MIPOL1: variants seen among roughly 807,000 people sequenced by gnomAD.
MIPOL1 encodes mirror-image polydactyly gene 1 protein.
In MIPOL1, 57 loss-of-function variants were observed where a neutral mutation model predicts 60.9. The ratio of observed to expected loss-of-function variants is 0.94; its 90% CI spans 0.76 to 1.17. MIPOL1 has a LOEUF of 1.17. Among genes scored for constraint, MIPOL1 ranks in the 50% most tolerant of loss-of-function variants. MIPOL1 has a pLI of 0.00. For synonymous variants in MIPOL1, 179 were observed against 168.8 expected (o/e 1.06, Z -0.47); for missense variants, 551 against 511.6 (o/e 1.08, Z -0.74).
At chr14:37,333,558 T>C (rs2089896143) in intron 9 of MIPOL1, among the ~76,000 whole-genome samples, 1 of 93,612 alleles carries the variant, frequency 1.1e-5, no homozygotes, top group African/African-American at 3.1e-5. Context: ...CGTGGAAATA[T>C]ATAATATGTG....
chr14:37,246,240 T>C (rs1973180562), intron 1 of MIPOL1, among the ~76,000 whole-genome samples: 3 of 152,130 alleles, frequency 2.0e-5, no homozygotes, highest in Admixed American at 1.3e-4. Context: ...GGCAGTCTCG[T>C]TGGGTACTAG....
intron 11 of MIPOL1, among the ~76,000 whole-genome samples, chr14:37,460,130 AG>A (rs2094523678): frequency 6.6e-6 from 1 of 150,798 alleles, no homozygotes; most frequent in Non-Finnish European, 1.5e-5. Flanking sequence ...ATTCTAGCAA[AG>A]CAAATCCAAT....
At position 37,496,696 on chromosome 14, in the gene MIPOL1, T is replaced by G. The variant is rs371447644; in HGVS notation, c.1032-3212T>G. On this transcript the variant is annotated intron_variant, in intron 11 of 12. Transcript: ENST00000684589. ...AACATTCCATGCTCATGGGTAGGAA[T>G]AATCAATATCGTGAAAATGGCCATA... is the stretch of plus-strand genomic sequence containing the variant. Among the ~76,000 whole-genome samples, 484 of 151,522 alleles carry G rather than the reference T, an allele frequency of 3.2e-3. 2 individuals are homozygous for G. Among genetic ancestry groups the G allele is most frequent in the Middle Eastern group, 0.024 (7 of 290 alleles).
intron 1 of MIPOL1, among the ~76,000 whole-genome samples, chr14:37,200,879 TG>T (rs1965177685): frequency 9.3e-6 from 1 of 107,092 alleles, no homozygotes; most frequent in Admixed American, 9.5e-5. Context: ...TGTGTGTGTG[TG>T]TGTGTGTGTG....
intron 10 of MIPOL1, among the ~76,000 whole-genome samples, chr14:37,378,547 G>T (rs539920744): frequency 6.7e-6 from 1 of 148,912 alleles, no homozygotes; most frequent in Admixed American, 6.7e-5. Context: ...TAACAAGGGG[G>T]TATTTCTTTA....
intron 5 of MIPOL1, among the ~76,000 whole-genome samples, chr14:37,269,853 G>T (rs887023463): frequency 1.3e-5 from 2 of 151,984 alleles, no homozygotes; most frequent in East Asian, 3.9e-4. Context: ...TTGAGATGGA[G>T]TTTCACTCTT....
At chr14:37,344,278 C>T (rs1171891400) in intron 9 of MIPOL1, among the ~76,000 whole-genome samples, 1 of 151,694 alleles carries the variant, frequency 6.6e-6, no homozygotes, top group Non-Finnish European at 1.5e-5. Flanking sequence ...TTTATAGATT[C>T]CCCTTCATCT....
In MIPOL1 at chr14:37,245,189, G is replaced by A. The variant is rs28639799; in HGVS notation, c.-198-1914G>A. The stretch of plus-strand genomic sequence containing the variant: ...TTACTTGGTGAATTTATTAAAAGTA[G>A]CTTAAAAAATTAATGGAATTTAAGT... On this transcript the variant is annotated intron_variant, in intron 1 of 12. Transcript: ENST00000684589. Among the ~76,000 whole-genome samples the A allele has an allele frequency of 9.9e-3, 1,506 of 152,146 alleles. 21 individuals carry two copies. The highest frequency in any genetic ancestry group is 0.035 in the African/African-American group (1,437 of 41,518).
intron 11 of MIPOL1, among the ~76,000 whole-genome samples, chr14:37,460,825 G>T (rs974564666): frequency 2.4e-4 from 37 of 152,220 alleles, no homozygotes; most frequent in African/African-American, 8.2e-4. Flanking sequence ...TCTACAAGGA[G>T]AACTACAAAA....
chr14:37,416,356 A>G (rs1426526830), intron 10 of MIPOL1, among the ~76,000 whole-genome samples: 1 of 152,116 alleles, frequency 6.6e-6, no homozygotes, highest in African/African-American at 2.4e-5. Context: ...ACATTTTGAG[A>G]AATGTATCCT....
At chr14:37,552,204 T>C (rs757683288), downstream of MIPOL1, 6 of 152,162 alleles carry the variant, frequency 3.9e-5, no homozygotes, top group Non-Finnish European at 8.8e-5. Context: ...ATCACATTAC[T>C]TTGTTAAATT....
intron 9 of MIPOL1, among the ~76,000 whole-genome samples, chr14:37,345,279 C>A (rs547189324): frequency 6.6e-6 from 1 of 151,966 alleles, no homozygotes; most frequent in African/African-American, 2.4e-5. Context: ...AATATTTTTT[C>A]ATTTTTTGTA....
chr14:37,296,558 C>T (rs1389626925), intron 7 of MIPOL1, among the ~76,000 whole-genome samples: 8 of 152,002 alleles, frequency 5.3e-5, no homozygotes, highest in Admixed American at 5.2e-4. Flanking sequence ...AGACCATTAG[C>T]AAGACTAATA....
chr14:37,250,018 G>A (rs1457097003), intron 3 of MIPOL1, among the ~76,000 whole-genome samples: 1 of 152,236 alleles, frequency 6.6e-6, no homozygotes, highest in Middle Eastern at 3.4e-3. Context: ...CAGGAAGGAT[G>A]TCAAGGAAGG....
At chr14:37,258,716 A>G (rs1295350975) in intron 3 of MIPOL1, among the ~76,000 whole-genome samples, 1 of 152,122 alleles carries the variant, frequency 6.6e-6, no homozygotes, top group Admixed American at 6.6e-5. Context: ...GAAATTTAAA[A>G]GCTTAAACAT....
chr14:37,302,436 G>A (rs867178650), intron 7 of MIPOL1, among the ~76,000 whole-genome samples: 13 of 151,272 alleles, frequency 8.6e-5, no homozygotes, highest in African/African-American at 3.2e-4. Flanking sequence ...GTATTTGATG[G>A]TTTTTCAAAT....
intron 1 of MIPOL1, among the ~76,000 whole-genome samples, chr14:37,200,846 ATC>A (rs1317580936): frequency 8.3e-5 from 10 of 121,078 alleles, no homozygotes; most frequent in African/African-American, 2.3e-4. Flanking sequence ...TACTATATCT[ATC>A]TATGTGTGTG....
chr14:37,480,824 A>T (rs2094851888), intron 11 of MIPOL1, among the ~76,000 whole-genome samples: 1 of 152,164 alleles, frequency 6.6e-6, no homozygotes, highest in Non-Finnish European at 1.5e-5. Context: ...AAAAACAAAC[A>T]AACAAAAAAA....
intron 9 of MIPOL1, among the ~76,000 whole-genome samples, chr14:37,351,325 T>A (rs1359932902): frequency 1.4e-5 from 2 of 143,164 alleles, no homozygotes; most frequent in African/African-American, 5.2e-5. Flanking sequence ...ACATTTGGGT[T>A]GGTTCCAAGT....
Sources: allele counts gnomAD v4.1 joint callset (sites outside exome capture counted in the v4.1 genomes callset), GRCh38; gene constraint gnomAD v4.1.1; transcripts MANE v1.5; gene names NCBI Gene and HGNC (gene_info 2026-07-23, HGNC 2026-07-21).